The following LILRB1 variants were observed in gnomAD, a reference collection of about 807,000 sequenced individuals.
LILRB1 encodes the protein leukocyte immunoglobulin-like receptor subfamily B member 1.
A neutral mutation model predicts 74.6 loss-of-function variants in LILRB1; 59 were observed. The observed-to-expected ratio is 0.79, with a 90% CI of 0.64 to 0.98. LILRB1 has a LOEUF of 0.98. Among genes scored for constraint, LILRB1 ranks in the 50% least tolerant of loss-of-function variants. The probability of loss-of-function intolerance (pLI) is 0.00; values close to 1 mark genes in which losing one functional copy is unlikely to be tolerated. For synonymous variants in LILRB1, 328 were observed against 333.9 expected (o/e 0.98, Z 0.19); for missense variants, 804 against 822.6 (o/e 0.98, Z 0.28).
At chr19:54,630,792 T>C (rs1443055467) in intron 1 of LILRB1, 159 bp downstream of exon 1, 2 of 742,834 alleles carry the variant, frequency 2.7e-6, no homozygotes, top group African/African-American at 3.5e-5. Flanking sequence ...TGGCTCTCAG[T>C]GGGATGAAAA....
At position 54,632,064 on chromosome 19, in the gene LILRB1, A is replaced by C. The variant is rs2781773; in HGVS notation, c.488A>C (p.Glu163Ala). 4,163 of 1,614,184 alleles carry C rather than the reference A, an allele frequency of 2.6e-3. No individual in the cohort carries two copies. The highest frequency in any genetic ancestry group is 3.1e-3 in the Non-Finnish European group (3,707 of 1,179,980). The change falls in exon 5 of 15, where the codon GAA becomes GCA. Residue 163 changes from glutamate to alanine, a missense_variant. Coordinates refer to ENST00000324602, the MANE Select transcript of LILRB1 (RefSeq NM_001081637.3). ...GFILCKEGED[E>A]HPQCLNSQPH... ...ATTCTGTGTAAGGAAGGAGAAGATG[A>C]ACACCCACAATGCCTGAACTCCCAG...
intron 1 of LILRB1, among the ~76,000 whole-genome samples, chr19:54,618,479 C>G (rs1013761481): frequency 3.3e-5 from 5 of 152,186 alleles, no homozygotes; most frequent in African/African-American, 1.2e-4. Flanking sequence ...GTGCTTATCC[C>G]TGCAGAATAG....
Position 54,633,154 on chromosome 19 carries a change from C to T in LILRB1, c.1097C>T (p.Pro366Leu). 4 of 1,511,604 alleles carry T rather than the reference C, an allele frequency of 2.6e-6. No homozygotes were observed. Among genetic ancestry groups the T allele is most frequent in the Non-Finnish European group, 3.6e-6 (4 of 1,114,494 alleles). 93.6% of individuals were successfully genotyped at this position (1,511,604 alleles called of 1,614,324 possible). Residue 366 changes from proline (P) to leucine (L), a missense_variant, in exon 7 of 15, where the codon CCA (proline) becomes CTA (leucine). By Grantham distance (98) the Pro-to-Leu change is moderately conservative. Coordinates refer to ENST00000324602, the MANE Select transcript of LILRB1 (RefSeq NM_001081637.3). ...LLTKEGAADD[P>L]WRLRSTYQSQ... ...ACCAAGGAGGGGGCAGCTGATGACCCATGGCGTCTAAGATCAACGTACCAA... is the reference window on the plus strand; with the variant it reads ...ACCAAGGAGGGGGCAGCTGATGACCTATGGCGTCTAAGATCAACGTACCAA...
At position 54,631,692 on chromosome 19, in the gene LILRB1, T is replaced by A. The variant is rs1211926269; in HGVS notation, c.263T>A (p.Ile88Asn). 4 of 1,614,158 alleles carry A rather than the reference T, an allele frequency of 2.5e-6. No individual in the cohort carries two copies. The African/African-American group carries it at 5.3e-5, about 22-fold the overall frequency. ...AAGGGCCAGTTCCCCATCCCATCCA[T>A]CACCTGGGAACACACAGGGCGGTAT... Reference protein sequence around the residue: ...VKKGQFPIPSITWEHTGRYRC... With the variant: ...VKKGQFPIPSNTWEHTGRYRC... Residue 88 changes from isoleucine (I) to asparagine (N), a missense_variant, in exon 4 of 15, where the codon ATC becomes AAC. Coordinates refer to ENST00000324602, the MANE Select transcript of LILRB1 (RefSeq NM_001081637.3).
chr19:54,635,390 T>C (rs2064307547), intron 12 of LILRB1, 94 bp downstream of exon 12: 1 of 1,565,300 alleles, frequency 6.4e-7, no homozygotes, highest in African/African-American at 1.4e-5. Flanking sequence ...GGAAAGGGTC[T>C]GGGGCTCAGG....
intron 9 of LILRB1, 37 bp downstream of exon 9, chr19:54,634,058 C>G (rs1206354844): frequency 6.4e-7 from 1 of 1,568,388 alleles, no homozygotes. Flanking sequence ...TGGGCAGGGT[C>G]CAGGGGAGGC....
chr19:54,621,113 A>T (rs568400316), intron 1 of LILRB1, among the ~76,000 whole-genome samples: 166 of 152,316 alleles, frequency 1.1e-3, no homozygotes, highest in Non-Finnish European at 1.7e-3. Context: ...ACCTCAGGTG[A>T]TCTGCCTGTC....
intron 4 of LILRB1, 68 bp downstream of exon 4, chr19:54,631,855 T>A (rs1457735567): frequency 3.4e-5 from 55 of 1,605,978 alleles, no homozygotes; most frequent in Middle Eastern, 1.7e-4. Flanking sequence ...TCTCAGGGGC[T>A]TCTCCCTCTC....
At position 54,636,933 on chromosome 19, in the gene LILRB1, GCCC is replaced by G. The variant is rs1409286387; in HGVS notation, c.*60_*62del. The G allele has an allele frequency of 6.2e-7, 1 of 1,607,186 alleles. No individual in the cohort carries two copies. Reference sequence around the variant, plus strand: ...ATGGAGTCTGGAATGCATGGGAGCTGCCCCCCCAGTGGACACCATTGGACCCCA... The same window carrying G: ...ATGGAGTCTGGAATGCATGGGAGCTGCCCCAGTGGACACCATTGGACCCCA... On this transcript the variant is annotated 3_prime_UTR_variant, in exon 15 of 15. Transcript: ENST00000324602.
Position 54,634,627 on chromosome 19 carries a change from T to A in LILRB1, c.1364-14T>A. ...AATGACATCACCCCCATCCCTGACA[T>A]CATCGTGCTCAAGGTCTGGGAAGGC... On this transcript the variant is annotated splice_polypyrimidine_tract_variant and intron_variant, in intron 9 of 14. Transcript: ENST00000324602. 1 of 1,608,796 alleles carries A rather than the reference T, an allele frequency of 6.2e-7. No individual in the cohort carries two copies. Among genetic ancestry groups the A allele is most frequent in the Non-Finnish European group, 8.5e-7 (1 of 1,177,110 alleles).
intron 10 of LILRB1, 141 bp from the exon 11 acceptor site, chr19:54,634,963 T>C: frequency 6.9e-7 from 1 of 1,448,624 alleles, no homozygotes; most frequent in Non-Finnish European, 9.3e-7. Flanking sequence ...AAAGTGTCCT[T>C]CGGGCTCTGT....
chr19:54,636,222 C>G (rs2064404026), intron 13 of LILRB1: 1 of 626,498 alleles, frequency 1.6e-6, no homozygotes, highest in Non-Finnish European at 2.8e-6. Flanking sequence ...CGAGCCCCTG[C>G]AGGCAGAGGA....
chr19:54,631,155 C>T (rs1430506401), intron 2 of LILRB1, 48 bp downstream of exon 2: 1 of 1,613,908 alleles, frequency 6.2e-7, no homozygotes, highest in Non-Finnish European at 8.5e-7. Flanking sequence ...AGGGACCTCA[C>T]CCCACAGCCA....
rs1047213292 is a variant in LILRB1, at chr19:54,636,831, C to T, written c.1912C>T (p.Pro638Ser). Residue 638 changes from proline (P) to serine (S), a missense_variant, in exon 15 of 15, where the codon CCC (proline) becomes TCC (serine). By Grantham distance (74) the Pro-to-Ser change is moderately conservative. Transcript: ENST00000324602. ...TGAGCCTCCTCCATCCCAGGAAGGG[C>T]CCTCTCCAGCTGTGCCCAGCATCTA... ...ATEPPPSQEG[P>S]SPAVPSIYAT... 3.1e-6 allele frequency: 5 copies of T among 1,613,488 alleles called. No homozygotes were observed. The Admixed American group carries it at 5.0e-5, about 16-fold the overall frequency.
Position 54,631,939 on chromosome 19 carries a change from C to T in LILRB1, c.363C>T (p.Ala121=). The T allele has an allele frequency of 6.2e-7, 1 of 1,612,434 alleles. No homozygotes were observed. The highest frequency in any genetic ancestry group is 8.5e-7 in the Non-Finnish European group (1 of 1,178,674). Residue 121 remains alanine (A), a synonymous_variant, in exon 5 of 15, where the codon GCC becomes GCT. Transcript: ENST00000324602. ...CGGTGCCTCCTTCTCTCCTAGGAGC[C>T]TACATCAAACCCACCCTCTCAGCCC... ...SDPLELVVTG[A]YIKPTLSAQP... is the part of the protein sequence containing the mutation.
In LILRB1 at chr19:54,632,727, G is replaced by A. The variant is rs2146263915; in HGVS notation, c.925G>A (p.Ala309Thr). ...GAHNLSSEWSAPSDPLDILIA... is the reference protein window; with the variant it reads ...GAHNLSSEWSTPSDPLDILIA... Reference sequence around the variant, plus strand: ...ACACAACCTCTCCTCCGAGTGGTCGGCCCCCAGCGACCCCCTGGACATCCT... The same window carrying A: ...ACACAACCTCTCCTCCGAGTGGTCGACCCCCAGCGACCCCCTGGACATCCT... Residue 309 changes from alanine (A) to threonine (T), a missense_variant, in exon 6 of 15, where the codon GCC becomes ACC. Coordinates refer to ENST00000324602, the MANE Select transcript of LILRB1 (RefSeq NM_001081637.3). 3 of 1,612,346 alleles carry A rather than the reference G, an allele frequency of 1.9e-6. 1 individual carries two copies. The Admixed American group carries it at 5.0e-5, about 27-fold the overall frequency.
rs763207069 is a variant in LILRB1 at position 54,631,935 on chromosome 19, G to A, written c.359G>A (p.Gly120Glu). 30 of 1,612,296 alleles carry A rather than the reference G, an allele frequency of 1.9e-5. No individual in the cohort carries two copies. In the South Asian group the frequency reaches 2.5e-4, roughly 14 times the overall value. ...AACACGGTGCCTCCTTCTCTCCTAG[G>A]AGCCTACATCAAACCCACCCTCTCA... ...SSDPLELVVT[G>E]AYIKPTLSAQ... The change falls in exon 5 of 15, where the codon GGA (glycine) becomes GAA (glutamate). Residue 120 changes from glycine (G) to glutamate (E), a missense_variant and splice_region_variant. Gly to Glu is a moderately conservative substitution (Grantham distance 98, BLOSUM62 -2). Transcript: ENST00000324602.
rs2064065261 is a variant in LILRB1 at position 54,633,190 on chromosome 19, A to G, written c.1133A>G (p.Tyr378Cys). Residue 378 changes from tyrosine (Y) to cysteine (C), a missense_variant, in exon 7 of 15, where the codon TAC becomes TGC. By Grantham distance (194) the Tyr-to-Cys change is radical. Transcript: ENST00000324602. ...AGATCAACGTACCAATCTCAAAAAT[A>G]CCAGGCTGAATTCCCCATGGGTCCT... ...RLRSTYQSQK[Y>C]QAEFPMGPVT... 3 of 1,614,208 alleles carry G rather than the reference A, an allele frequency of 1.9e-6. No homozygotes were observed. The East Asian group carries it at 6.7e-5, about 36-fold the overall frequency.
At chr19:54,625,162 C>G (rs2146192209) in intron 1 of LILRB1, among the ~76,000 whole-genome samples, 1 of 140,430 alleles carries the variant, frequency 7.1e-6, no homozygotes, top group East Asian at 2.0e-4. Flanking sequence ...ATTGGACTTT[C>G]AGAGGGCACT....
Sources: allele counts gnomAD v4.1 joint callset (sites outside exome capture counted in the v4.1 genomes callset), GRCh38; gene constraint gnomAD v4.1.1; transcripts MANE v1.5; gene names NCBI Gene and HGNC (gene_info 2026-07-23, HGNC 2026-07-21).